The following CPS1 variants were observed in gnomAD, a reference collection of about 807,000 sequenced individuals.
The protein encoded by CPS1 is carbamoyl-phosphate synthase 1.
A neutral mutation model predicts 174.6 loss-of-function variants in CPS1; 109 were observed. The observed-to-expected ratio is 0.62, with a 90% CI of 0.53 to 0.73. The LOEUF (loss-of-function observed/expected upper bound fraction) is 0.73, where lower values mean the gene tolerates loss of function less well. Among genes scored for constraint, CPS1 ranks in the 30% least tolerant of loss-of-function variants. The pLI is 0.00. For synonymous variants in CPS1, 637 were observed against 632.0 expected, an observed-to-expected ratio of 1.01 and a Z score of -0.12; for missense variants, 1,689 against 1,821.9, an observed-to-expected ratio of 0.93 and a Z score of 1.33.
intron 2 of CPS1, among the ~76,000 whole-genome samples, chr2:210,574,887 T>C (rs560687889): frequency 6.6e-6 from 1 of 152,000 alleles, no homozygotes; most frequent in Non-Finnish European, 1.5e-5. Flanking sequence ...TTTTTTTTGA[T>C]GTAGGAAAAG....
intron 1 of CPS1, among the ~76,000 whole-genome samples, chr2:210,547,064 GC>G (rs1696583015): frequency 1.3e-5 from 2 of 152,042 alleles, no homozygotes; most frequent in Admixed American, 1.3e-4. Context: ...GTGTTGAAGA[GC>G]CATCTTGGCC....
chr2:210,562,724 G>A (rs1230891333), intron 1 of CPS1, among the ~76,000 whole-genome samples: 3 of 151,448 alleles, frequency 2.0e-5, no homozygotes, highest in Non-Finnish European at 4.4e-5. Context: ...GGTGAAAATG[G>A]AAAAAAAACA....
chr2:210,622,157 A>G (rs1209991346), intron 21 of CPS1, among the ~76,000 whole-genome samples: 1 of 151,542 alleles, frequency 6.6e-6, no homozygotes, highest in Non-Finnish European at 1.5e-5. Flanking sequence ...TTTATGTACA[A>G]TGTTGCTATT....
At chr2:210,677,195 A>G (rs1701563891) in intron 37 of CPS1, 59 bp downstream of exon 37, 1 of 1,532,232 alleles carries the variant, frequency 6.5e-7, no homozygotes, top group Non-Finnish European at 9.0e-7. Context: ...GCCTCCCTTA[A>G]GAGTGTAATC....
intron 33 of CPS1, among the ~76,000 whole-genome samples, chr2:210,663,794 G>A (rs142033470): frequency 3.2e-4 from 48 of 152,170 alleles, no homozygotes; most frequent in African/African-American, 1.1e-3. Context: ...GTAAAGAGCT[G>A]TCAGATTCTA....
At chr2:210,574,131 A>G (rs1697608371) in intron 2 of CPS1, among the ~76,000 whole-genome samples, 1 of 152,072 alleles carries the variant, frequency 6.6e-6, no homozygotes, top group African/African-American at 2.4e-5. Flanking sequence ...ATAACTAATT[A>G]TATAATATTG....
At chr2:210,524,368 T>C (rs1695914938) in intron 1 of CPS1, among the ~76,000 whole-genome samples, 1 of 152,050 alleles carries the variant, frequency 6.6e-6, no homozygotes, top group Non-Finnish European at 1.5e-5. Flanking sequence ...TTAACTAATA[T>C]TTATTGAATG....
At chr2:210,607,014 A>G in intron 18 of CPS1, 73 bp downstream of exon 18, 3 of 1,336,188 alleles carry the variant, frequency 2.2e-6, no homozygotes, top group Non-Finnish European at 3.2e-6. Context: ...CAGATAGTGG[A>G]AGACTGTACT....
At chr2:210,676,883 G>T (rs1701553085) in intron 36 of CPS1, 124 bp from the exon 37 acceptor site, 1 of 821,834 alleles carries the variant, frequency 1.2e-6, no homozygotes, top group Non-Finnish European at 2.1e-6. Flanking sequence ...ATAGAGGAGG[G>T]CAGATGGCAG....
intron 21 of CPS1, among the ~76,000 whole-genome samples, chr2:210,623,723 G>A (rs1699611586): frequency 6.6e-6 from 1 of 152,098 alleles, no homozygotes; most frequent in Non-Finnish European, 1.5e-5. Flanking sequence ...CAAACTTCTG[G>A]CAGATGTAAT....
intron 1 of CPS1, among the ~76,000 whole-genome samples, chr2:210,528,031 C>T (rs368445760): frequency 2.1e-4 from 32 of 151,812 alleles, no homozygotes; most frequent in African/African-American, 6.3e-4. Context: ...TCGCAGTAAC[C>T]GAATATATAG....
chr2:210,669,741 T>C (rs1701233088), intron 34 of CPS1, among the ~76,000 whole-genome samples: 1 of 152,138 alleles, frequency 6.6e-6, no homozygotes, highest in Non-Finnish European at 1.5e-5. Flanking sequence ...ATGTTATAAA[T>C]GGGTATTAAG....
intron 1 of CPS1, among the ~76,000 whole-genome samples, chr2:210,484,020 C>A (rs1238851393): frequency 6.6e-6 from 1 of 152,126 alleles, no homozygotes; most frequent in African/African-American, 2.4e-5. Flanking sequence ...AAATATCTCA[C>A]AAATAAGAAA....
Position 210,677,015 on chromosome 2 carries a change from G to C in CPS1, c.4283G>C (p.Arg1428Thr). 6.2e-7 allele frequency: 1 copy of C among 1,613,494 alleles called. No individual in the cohort carries two copies. Among genetic ancestry groups the C allele is most frequent in the Admixed American group, 1.7e-5 (1 of 60,008 alleles). ...PSLSSIRKLIRDGSIDLVINL... is the reference protein window; with the variant it reads ...PSLSSIRKLITDGSIDLVINL... ...TTTGTTTATTTTTCCAGATTGATTA[G>C]AGATGGCAGCATTGACCTAGTGATT... Residue 1428 changes from arginine (R) to threonine (T), a missense_variant, in exon 37 of 38, where the codon AGA (arginine) becomes ACA (threonine). Coordinates refer to ENST00000233072, the MANE Select transcript of CPS1 (RefSeq NM_001875.5).
chr2:210,575,927 A>G (rs1294934693), intron 2 of CPS1, among the ~76,000 whole-genome samples: 4 of 152,110 alleles, frequency 2.6e-5, no homozygotes, highest in African/African-American at 9.7e-5. Context: ...GATGGTTACT[A>G]TCTTGGTGAA....
At chr2:210,594,169 T>C (rs1432561286) in intron 11 of CPS1, among the ~76,000 whole-genome samples, 1 of 151,914 alleles carries the variant, frequency 6.6e-6, no homozygotes, top group Non-Finnish European at 1.5e-5. Context: ...ATAAGTGATA[T>C]AGCTTCAATT....
At chr2:210,504,514 G>T (rs941300216) in intron 1 of CPS1, among the ~76,000 whole-genome samples, 7 of 152,124 alleles carry the variant, frequency 4.6e-5, no homozygotes, top group Non-Finnish European at 2.9e-5. Context: ...GTAAAAGTAG[G>T]GTTAAGTAAG....
intron 1 of CPS1, among the ~76,000 whole-genome samples, chr2:210,486,258 C>T (rs1471435708): frequency 8.6e-5 from 13 of 151,582 alleles, no homozygotes; most frequent in Non-Finnish European, 1.5e-4. Flanking sequence ...TAATATTATT[C>T]ATAATAGCTT....
intron 1 of CPS1, among the ~76,000 whole-genome samples, chr2:210,557,736 T>C (rs114006082): frequency 0.012 from 1,751 of 152,132 alleles, 30 homozygotes; most frequent in African/African-American, 0.036. Context: ...AGCTGTAAAA[T>C]TTGAAATAGA....
Sources: allele counts gnomAD v4.1 joint callset (sites outside exome capture counted in the v4.1 genomes callset), GRCh38; gene constraint gnomAD v4.1.1; transcripts MANE v1.5; gene names NCBI Gene and HGNC (gene_info 2026-07-23, HGNC 2026-07-21).